Variants in CTNNA1 observed in about 807,000 individuals in gnomAD.
CTNNA1 encodes the protein catenin alpha-1.
A neutral mutation model predicts 98.4 loss-of-function variants in CTNNA1; 37 were observed. That is an observed-to-expected ratio of 0.38 (90% CI 0.29 to 0.49). The LOEUF is 0.49. CTNNA1 is among the 20% of genes least tolerant of loss of function. The probability of loss-of-function intolerance (pLI) is 0.95; values close to 1 mark genes in which losing one functional copy is unlikely to be tolerated. For missense variants in CTNNA1, 761 were observed against 1,147.2 expected, an observed-to-expected ratio of 0.66 and a Z score of 4.86; for synonymous variants, 404 against 413.2, an observed-to-expected ratio of 0.98 and a Z score of 0.27.
intron 3 of CTNNA1, among the ~76,000 whole-genome samples, chr5:138,799,491 A>G (rs1213746060): frequency 6.6e-6 from 1 of 152,070 alleles, no homozygotes; most frequent in Admixed American, 6.5e-5. Context: ...CTTTTAAGAG[A>G]CATGAGAGAT....
intron 5 of CTNNA1, among the ~76,000 whole-genome samples, chr5:138,813,307 C>T (rs966297168): frequency 6.6e-6 from 1 of 152,222 alleles, no homozygotes; most frequent in African/African-American, 2.4e-5. Context: ...CTGTTCCTTC[C>T]ATATGTCTCT....
chr5:138,823,938 C>A, intron 5 of CTNNA1, among the ~76,000 whole-genome samples: 1 of 102,202 alleles, frequency 9.8e-6, no homozygotes, highest in East Asian at 3.0e-4. Flanking sequence ...GCCTGGGCGA[C>A]AGAGCGAGAC....
At chr5:138,929,111 C>T (rs1489987728) in intron 13 of CTNNA1, 135 bp from the exon 14 acceptor site, 1 of 719,082 alleles carries the variant, frequency 1.4e-6, no homozygotes, top group African/African-American at 1.7e-5. Context: ...TGACTTTATT[C>T]ACCATACTGT....
intron 10 of CTNNA1, among the ~76,000 whole-genome samples, chr5:138,915,071 T>TG (rs1224748931): frequency 1.3e-5 from 2 of 152,062 alleles, no homozygotes; most frequent in Non-Finnish European, 2.9e-5. Flanking sequence ...CACTTCAACC[T>TG]GGGAGGTGGA....
intron 1 of CTNNA1, among the ~76,000 whole-genome samples, chr5:138,776,911 A>C (rs1459031153): frequency 1.3e-4 from 12 of 88,970 alleles, no homozygotes; most frequent in East Asian, 3.6e-4. Context: ...TGACCCCCCC[A>C]CCTCCCTCCC....
In CTNNA1 at chr5:138,929,308, G is replaced by T. The variant is rs538120740; in HGVS notation, c.1962G>T (p.Thr654=). ...AAGATTTTGATGTCAGAAGCAGGAC[G>T]AGCGTCCAGACAGAAGACGATCAGC... ...ETEDFDVRSR[T]SVQTEDDQLI... Residue 654 remains threonine, a synonymous_variant, in exon 14 of 18, where the codon ACG becomes ACT. Transcript: ENST00000302763. 1.3e-5 allele frequency: 21 copies of T among 1,612,452 alleles called. No individual in the cohort carries two copies. Among genetic ancestry groups the T allele is most frequent in the Non-Finnish European group, 1.8e-5 (21 of 1,178,440 alleles).
At chr5:138,885,008 AT>A (rs1441657219) in intron 7 of CTNNA1, among the ~76,000 whole-genome samples, 1 of 152,178 alleles carries the variant, frequency 6.6e-6, no homozygotes, top group Non-Finnish European at 1.5e-5. Flanking sequence ...GATCATATCA[AT>A]TTTACTTATA....
chr5:138,865,693 T>A (rs1480794359), intron 7 of CTNNA1, among the ~76,000 whole-genome samples: 1 of 152,220 alleles, frequency 6.6e-6, no homozygotes, highest in Non-Finnish European at 1.5e-5. Flanking sequence ...TGGTAAAATA[T>A]GTGGACTCAC....
intron 11 of CTNNA1, among the ~76,000 whole-genome samples, chr5:138,922,366 T>G (rs1479898900): frequency 6.6e-6 from 1 of 152,226 alleles, no homozygotes; most frequent in Non-Finnish European, 1.5e-5. Flanking sequence ...TAGGGTACTA[T>G]GCAGCCATTA....
intron 7 of CTNNA1, among the ~76,000 whole-genome samples, chr5:138,840,183 T>C (rs1044516586): frequency 3.3e-5 from 5 of 152,148 alleles, no homozygotes; most frequent in African/African-American, 9.7e-5. Context: ...GAAAATAAAG[T>C]GTAGCAAAGA....
Position 138,934,219 on chromosome 5 carries a change from C to A in CTNNA1, c.*130C>A. The A allele has an allele frequency of 3.0e-6, 2 of 666,980 alleles. No homozygotes were observed. The highest frequency in any genetic ancestry group is 4.2e-4 in the Middle Eastern group (1 of 2,396). The allele number at this position is 666,980 out of a possible 1,614,324, so 41.3% of individuals were successfully genotyped here. A position where few individuals can be genotyped will look rare whatever the true frequency, so the allele number is the denominator to read the frequency against. On this transcript the variant is annotated 3_prime_UTR_variant, in exon 18 of 18. Transcript: ENST00000302763. ...AGGGAAATGGGCAGACTGAACCAGT[C>A]CAGGTGGTGAATTTTCCAAGAACAT...
chr5:138,763,525 G>A (rs1752592001), intron 1 of CTNNA1, among the ~76,000 whole-genome samples: 1 of 152,062 alleles, frequency 6.6e-6, no homozygotes. Context: ...TACATTTTTA[G>A]TAGAGACAGG....
chr5:138,767,250 A>T (rs899905397), intron 1 of CTNNA1, among the ~76,000 whole-genome samples: 16 of 152,076 alleles, frequency 1.1e-4, no homozygotes, highest in African/African-American at 3.9e-4. Context: ...GTTAGCCAGG[A>T]TGGTCTCGAT....
At chr5:138,836,389 T>G (rs1761774564) in intron 7 of CTNNA1, among the ~76,000 whole-genome samples, 2 of 152,236 alleles carry the variant, frequency 1.3e-5, no homozygotes, top group African/African-American at 4.8e-5. Context: ...TGTCAAAAAT[T>G]AATTTGTGAT....
At chr5:138,798,542 A>C (rs1228025285) in intron 3 of CTNNA1, among the ~76,000 whole-genome samples, 1 of 152,212 alleles carries the variant, frequency 6.6e-6, no homozygotes, top group African/African-American at 2.4e-5. Context: ...CTTTCCCCGT[A>C]ACTTTATAAA....
At chr5:138,776,794 C>G (rs1167610426) in intron 1 of CTNNA1, among the ~76,000 whole-genome samples, 1 of 143,992 alleles carries the variant, frequency 6.9e-6, no homozygotes, top group South Asian at 2.2e-4. Flanking sequence ...GCTGGCCAGG[C>G]GGGGGGCTGA....
chr5:138,934,158 G>C lies in CTNNA1; in HGVS notation c.*69G>C, dbSNP rs998330122. 8.1e-7 allele frequency: 1 copy of C among 1,233,984 alleles called. No individual in the cohort carries two copies. The highest frequency in any genetic ancestry group is 2.3e-5 in the East Asian group (1 of 42,748). 76.4% of individuals were successfully genotyped at this position (1,233,984 alleles called of 1,614,324 possible). A position where few individuals can be genotyped will look rare whatever the true frequency, so the allele number is the denominator to read the frequency against. ...ATCAGTCACTGTTCGTCACTCAAAT[G>C]AATTTGCTAAATACAACACTGATAC... is the stretch of plus-strand genomic sequence containing the variant. On this transcript the variant is annotated 3_prime_UTR_variant, in exon 18 of 18. Transcript: ENST00000302763.
At chr5:138,787,298 TG>T (rs1755815930) in intron 3 of CTNNA1, among the ~76,000 whole-genome samples, 1 of 151,910 alleles carries the variant, frequency 6.6e-6, no homozygotes, top group African/African-American at 2.4e-5. Flanking sequence ...GGCGTGTTGG[TG>T]GGCACCTGTA....
chr5:138,918,133 T>C (rs1460348694), intron 11 of CTNNA1, among the ~76,000 whole-genome samples: 4 of 152,174 alleles, frequency 2.6e-5, no homozygotes, highest in Non-Finnish European at 5.9e-5. Context: ...ATAGGGCTGG[T>C]CTGAATCCTA....
Sources: gnomAD v4.1 joint callset for allele counts (sites outside exome capture counted in the v4.1 genomes callset) on GRCh38, gnomAD v4.1.1 for gene constraint, MANE v1.5 for transcripts, NCBI Gene and HGNC (gene_info 2026-07-23, HGNC 2026-07-21) for gene names.